The following OR8B8 variants were observed in gnomAD, a reference collection of about 807,000 sequenced individuals.
The protein encoded by OR8B8 is olfactory receptor 8B8.
OR8B8 carries 8 observed loss-of-function variants against 10.5 expected under a neutral mutation model. The observed-to-expected ratio is 0.76, with a 90% confidence interval of 0.45 to 1.38. OR8B8 has a LOEUF of 1.38. Ranked by LOEUF, OR8B8 falls within the 40% of genes most tolerant of loss-of-function variation. The pLI is 0.00. For missense variants in OR8B8, 390 were observed against 380.5 expected (o/e 1.03, Z -0.21); for synonymous variants, 150 against 145.2 (o/e 1.03, Z -0.24).
chr11:124,441,076 C>T lies in OR8B8; in HGVS notation c.10G>A (p.Glu4Lys). The T allele has an allele frequency of 1.2e-6, 2 of 1,609,892 alleles. No individual in the cohort carries two copies. Among genetic ancestry groups the T allele is most frequent in the Non-Finnish European group, 1.7e-6 (2 of 1,179,412 alleles). The change falls in exon 3 of 3, where the codon GAG (glutamate) becomes AAG (lysine). Residue 4 changes from glutamate (E) to lysine (K), a missense_variant. Physicochemically the swap from Glu to Lys is moderately conservative, Grantham distance 56. Coordinates refer to ENST00000642064, the MANE Select transcript of OR8B8 (RefSeq NM_012378.2). ...AACTGTGTCACGAAGGAGGAATTCTCAGCAGCCATTGTCATTTAAGGCATT... is the reference window on the plus strand; with the variant it reads ...AACTGTGTCACGAAGGAGGAATTCTTAGCAGCCATTGTCATTTAAGGCATT... MAAENSSFVTQFIL... is the reference protein window; with the variant it reads MAAKNSSFVTQFIL...
rs141141481 is a variant in OR8B8, at chr11:124,439,672, A to T, written c.*478T>A. 6.3e-6 allele frequency: 1 copy of T among 157,590 alleles called. No homozygotes were observed. Among genetic ancestry groups the T allele is most frequent in the Non-Finnish European group, 1.4e-5 (1 of 71,160 alleles). The allele number at this position is 157,590 out of a possible 1,614,324, so 9.8% of individuals were successfully genotyped here. On this transcript the variant is annotated 3_prime_UTR_variant, in exon 3 of 3. Coordinates refer to ENST00000642064, the MANE Select transcript of OR8B8 (RefSeq NM_012378.2). ...TTGGCCAAGGCCATCTCAACAAAAA[A>T]TTCTATATACTTCCTACCTACTTGC...
chr11:124,443,983 A>G lies in OR8B8; in HGVS notation c.-153+1593T>C, dbSNP rs118174903. 3.9e-4 allele frequency among the ~76,000 whole-genome samples: 59 copies of G among 151,704 alleles called. 1 individual carries two copies. In the East Asian group the frequency reaches 0.01, roughly 27 times the overall value. On this transcript the variant is annotated intron_variant, in intron 1 of 2. Coordinates refer to ENST00000642064, the MANE Select transcript of OR8B8 (RefSeq NM_012378.2). ...AAATGTCTCCCTTTTGTGTATCTCC[A>G]GTGGTTCATTCTTCTTAGTACATCA...
chr11:124,443,745 A>C (rs1861499740), intron 1 of OR8B8, among the ~76,000 whole-genome samples: 1 of 152,186 alleles, frequency 6.6e-6, no homozygotes, highest in Admixed American at 6.5e-5. Context: ...TACTCAGCCT[A>C]TCTTTTGGGC....
chr11:124,441,197 C>T lies in OR8B8; in HGVS notation c.-16-96G>A. On this transcript the variant is annotated intron_variant, in intron 2 of 2. Coordinates refer to ENST00000642064, the MANE Select transcript of OR8B8 (RefSeq NM_012378.2). ...TTCCTTCTTGAGAATAGGAGGCACACAGAGAGATTTTGAACTTCAGCAGAG... is the reference window on the plus strand; with the variant it reads ...TTCCTTCTTGAGAATAGGAGGCACATAGAGAGATTTTGAACTTCAGCAGAG... 3 of 821,016 alleles carry T rather than the reference C, an allele frequency of 3.7e-6. No homozygotes were observed. The South Asian group carries it at 5.5e-5, about 15-fold the overall frequency. 50.9% of individuals were successfully genotyped at this position (821,016 alleles called of 1,614,324 possible). A position where few individuals can be genotyped will look rare whatever the true frequency, so the allele number is the denominator to read the frequency against.
At chr11:124,441,927 C>T (rs1861479608) in intron 1 of OR8B8, among the ~76,000 whole-genome samples, 1 of 152,144 alleles carries the variant, frequency 6.6e-6, no homozygotes, top group African/African-American at 2.4e-5. Context: ...TGTGCTCATA[C>T]CCTTGATAAT....
intron 1 of OR8B8, among the ~76,000 whole-genome samples, chr11:124,443,199 G>A (rs1002441320): frequency 2.6e-5 from 4 of 152,204 alleles, no homozygotes; most frequent in Non-Finnish European, 2.9e-5. Context: ...AGTCTTTCCA[G>A]TTACATTGTC....
chr11:124,441,155 C>T, intron 2 of OR8B8, 54 bp from the exon 3 acceptor site: 1 of 1,137,580 alleles, frequency 8.8e-7, no homozygotes, highest in Non-Finnish European at 1.3e-6. Flanking sequence ...CACTGCTGCC[C>T]TCCCAGTCAT....
rs1368414523 is a variant in OR8B8 at position 124,441,119 on chromosome 11, A to G, written c.-16-18T>C. On this transcript the variant is annotated intron_variant, in intron 2 of 2. Coordinates refer to ENST00000642064, the MANE Select transcript of OR8B8 (RefSeq NM_012378.2). ...AAGGCATTCTGTGGGGACAAGGGAA[A>G]AAGTTATTTAGAGAGAGAGAGAGAC... is the stretch of plus-strand genomic sequence containing the variant. 1 of 1,532,560 alleles carries G rather than the reference A, an allele frequency of 6.5e-7. No individual in the cohort carries two copies. Among genetic ancestry groups the G allele is most frequent in the East Asian group, 2.2e-5 (1 of 44,448 alleles). The allele number at this position is 1,532,560 out of a possible 1,614,324, so 94.9% of individuals were successfully genotyped here.
At chr11:124,443,285 G>T (rs186450890) in intron 1 of OR8B8, among the ~76,000 whole-genome samples, 1 of 152,146 alleles carries the variant, frequency 6.6e-6, no homozygotes, top group South Asian at 2.1e-4. Flanking sequence ...CATCAACCCT[G>T]GAATAGCATC....
chr11:124,440,403 A>G lies in OR8B8; in HGVS notation c.683T>C (p.Ile228Thr), dbSNP rs141530939. 3.6e-5 allele frequency: 58 copies of G among 1,614,090 alleles called. No homozygotes were observed. The African/African-American group carries it at 4.4e-4, about 12-fold the overall frequency. The change falls in exon 3 of 3, where the codon ATT (isoleucine) becomes ACT (threonine). Residue 228 changes from isoleucine (I) to threonine (T), a missense_variant. Ile to Thr is a moderately conservative substitution (Grantham distance 89). Transcript: ENST00000642064. ...TTTGGACCTGCCCTCCGTGGAATCA[A>G]TGTGGAAGATGCTGGAGAGAATGAG... The part of the protein sequence containing the change: ...YALILSSIFH[I>T]DSTEGRSKAF...
At position 124,441,056 on chromosome 11, in the gene OR8B8, T is replaced by C. The variant is rs756347412; in HGVS notation, c.30A>G (p.Thr10=). 44 of 1,612,030 alleles carry C rather than the reference T, an allele frequency of 2.7e-5. No homozygotes were observed. The highest frequency in any genetic ancestry group is 1.8e-4 in the Admixed American group (11 of 59,966). The change falls in exon 3 of 3, where the codon ACA becomes ACG. Residue 10 remains threonine, a synonymous_variant. Transcript: ENST00000642064. ...CAGTTAAGCCTGCGAGGATAAACTG[T>C]GTCACGAAGGAGGAATTCTCAGCAG... MAAENSSFV[T]QFILAGLTDQ...
At chr11:124,442,483 A>G (rs998830525) in intron 1 of OR8B8, among the ~76,000 whole-genome samples, 2 of 152,246 alleles carry the variant, frequency 1.3e-5, no homozygotes, top group East Asian at 3.8e-4. Flanking sequence ...GCTGAGCTGC[A>G]CAATACCCAG....
At position 124,440,405 on chromosome 11, in the gene OR8B8, G is replaced by A. The variant is rs1565361710; in HGVS notation, c.681C>T (p.His227=). Reference sequence around the variant, plus strand: ...TGGACCTGCCCTCCGTGGAATCAATGTGGAAGATGCTGGAGAGAATGAGAG... The same window carrying A: ...TGGACCTGCCCTCCGTGGAATCAATATGGAAGATGCTGGAGAGAATGAGAG... ...SYALILSSIF[H]IDSTEGRSKA... is the part of the protein sequence containing the mutation. The change falls in exon 3 of 3, where the codon CAC becomes CAT. Residue 227 remains histidine (H), a synonymous_variant. Coordinates refer to ENST00000642064, the MANE Select transcript of OR8B8 (RefSeq NM_012378.2). 1.2e-6 allele frequency: 2 copies of A among 1,614,244 alleles called. No individual in the cohort carries two copies. Among genetic ancestry groups the A allele is most frequent in the South Asian group, 2.2e-5 (2 of 91,088 alleles).
rs1861421507 is a variant in OR8B8 at position 124,437,764 on chromosome 11, C to T, written c.*2386G>A. 2 of 151,978 alleles carry T rather than the reference C, an allele frequency of 1.3e-5. No individual in the cohort carries two copies. Among genetic ancestry groups the T allele is most frequent in the South Asian group, 2.1e-4 (1 of 4,808 alleles). 9.4% of individuals were successfully genotyped at this position (151,978 alleles called of 1,614,324 possible). A position where few individuals can be genotyped will look rare whatever the true frequency, so the allele number is the denominator to read the frequency against. ...AGGACACTAACCTCATTCATGAGGGCCCCACCCTCATTACCTAATCACCTC... is the reference window on the plus strand; with the variant it reads ...AGGACACTAACCTCATTCATGAGGGTCCCACCCTCATTACCTAATCACCTC... On this transcript the variant is annotated 3_prime_UTR_variant, in exon 3 of 3. Coordinates refer to ENST00000642064, the MANE Select transcript of OR8B8 (RefSeq NM_012378.2).
intron 1 of OR8B8, 44 bp downstream of exon 1, chr11:124,445,532 T>C (rs1164176235): frequency 6.6e-6 from 1 of 152,102 alleles, no homozygotes; most frequent in African/African-American, 2.4e-5. Context: ...CGCACACACG[T>C]GTGTGTGTTT....
In OR8B8 at chr11:124,441,397, C is replaced by T. The variant is rs150473764; in HGVS notation, c.-17+91G>A. On this transcript the variant is annotated intron_variant, in intron 2 of 2. Transcript: ENST00000642064. ...CTCCAGGAAGAGTCCTCTTAGAGGC[C>T]GGACCCAGCCCGCCTGTGCCTGGAG... 1,165 of 345,728 alleles carry T rather than the reference C, an allele frequency of 3.4e-3. 4 individuals carry two copies. Among genetic ancestry groups the T allele is most frequent in the Non-Finnish European group, 5.1e-3 (949 of 185,710 alleles). The allele number at this position is 345,728 out of a possible 1,614,324, so 21.4% of individuals were successfully genotyped here.
In OR8B8 at chr11:124,438,961, C is replaced by T. The variant is rs988565984; in HGVS notation, c.*1189G>A. On this transcript the variant is annotated 3_prime_UTR_variant, in exon 3 of 3. Coordinates refer to ENST00000642064, the MANE Select transcript of OR8B8 (RefSeq NM_012378.2). ...GTCTAACCCAACTGAAACCAGAGGG[C>T]AAGGGGACCAGTTAAGGAATACCTC... 1 of 152,278 alleles carries T rather than the reference C, an allele frequency of 6.6e-6. No homozygotes were observed. Among genetic ancestry groups the T allele is most frequent in the Admixed American group, 6.5e-5 (1 of 15,286 alleles). The allele number at this position is 152,278 out of a possible 1,614,324, so 9.4% of individuals were successfully genotyped here.
Position 124,440,871 on chromosome 11 carries a change from C to T in OR8B8, c.215G>A (p.Cys72Tyr). The T allele has an allele frequency of 6.2e-7, 1 of 1,614,132 alleles. No individual in the cohort carries two copies. Among genetic ancestry groups the T allele is most frequent in the Non-Finnish European group, 8.5e-7 (1 of 1,180,030 alleles). ...TTTGGGAGTGATAACACTGGAATAG[C>T]AGAAATCTATGAAGGACAAGTTATA... ...FLYNLSFIDFCYSSVITPKML... is the reference protein window; with the variant it reads ...FLYNLSFIDFYYSSVITPKML... The change falls in exon 3 of 3, where the codon TGC (cysteine) becomes TAC (tyrosine). Residue 72 changes from cysteine (C) to tyrosine (Y), a missense_variant. Coordinates refer to ENST00000642064, the MANE Select transcript of OR8B8 (RefSeq NM_012378.2).
intron 1 of OR8B8, among the ~76,000 whole-genome samples, chr11:124,444,195 C>A (rs531781366): frequency 6.6e-5 from 10 of 152,264 alleles, no homozygotes; most frequent in Admixed American, 3.9e-4. Flanking sequence ...AGCTAAGGTA[C>A]TCCTAAAACA....
Sources: allele counts gnomAD v4.1 joint callset (sites outside exome capture counted in the v4.1 genomes callset), GRCh38; gene constraint gnomAD v4.1.1; transcripts MANE v1.5; gene names NCBI Gene and HGNC (gene_info 2026-07-23, HGNC 2026-07-21).